The following FOXP1 variants were observed in gnomAD, a reference collection of about 807,000 sequenced individuals.
FOXP1 encodes the protein forkhead box P1, also known as forkhead box protein P1.
Under a neutral mutation model 98.2 loss-of-function variants are expected in FOXP1, and 15 were observed. That is an observed-to-expected ratio of 0.15 (90% confidence interval 0.10 to 0.24). The LOEUF is 0.24. Among genes scored for constraint, FOXP1 ranks in the 10% least tolerant of loss-of-function variants. The pLI, the probability that FOXP1 is intolerant of heterozygous loss-of-function variation, is 1.00. For synonymous variants in FOXP1, 371 were observed against 314.5 expected (o/e 1.18, Z -1.90); for missense variants, 633 against 848.5 (o/e 0.75, Z 3.15).
intron 6 of FOXP1, among the ~76,000 whole-genome samples, chr3:71,142,267 G>A (rs2060107303): frequency 6.6e-6 from 1 of 152,192 alleles, no homozygotes; most frequent in Non-Finnish European, 1.5e-5. Flanking sequence ...CATGTGGTTG[G>A]CAGAATTCTC....
In FOXP1 at chr3:71,493,510, A is replaced by C. The variant is rs2091206838; in HGVS notation, c.-252T>G. ...GATCGAAGCCCTCACCATTGCCGAA[A>C]TGTTTTGTTCGGAAACTGGAATTGT... On this transcript the variant is annotated 5_prime_UTR_variant, in exon 3 of 21. Transcript: ENST00000649528. The C allele has an allele frequency of 6.6e-6, 1 of 152,228 alleles. No homozygotes were observed. Among genetic ancestry groups the C allele is most frequent in the African/African-American group, 2.4e-5 (1 of 41,462 alleles). 9.4% of individuals were successfully genotyped at this position (152,228 alleles called of 1,614,324 possible).
At chr3:71,261,325 T>A (rs1278235738) in intron 5 of FOXP1, among the ~76,000 whole-genome samples, 1 of 152,058 alleles carries the variant, frequency 6.6e-6, no homozygotes, top group Non-Finnish European at 1.5e-5. Context: ...AATAAAAAAA[T>A]TAGATTTTTT....
rs116393768 is a variant in FOXP1 at position 71,473,870 on chromosome 3, G to A, written c.-168+19556C>T. Among the ~76,000 whole-genome samples, 527 of 152,238 alleles carry A rather than the reference G, an allele frequency of 3.5e-3. 1 individual carries two copies. Among genetic ancestry groups the A allele is most frequent in the African/African-American group, 0.012 (509 of 41,534 alleles). The stretch of plus-strand genomic sequence containing the variant: ...GAACTGTTACATCTCTAATAGTGAT[G>A]ACGTCCTCATGGAGAAAGACAGTAA... On this transcript the variant is annotated intron_variant, in intron 3 of 20. Coordinates refer to ENST00000649528, the MANE Select transcript of FOXP1 (RefSeq NM_001349338.3).
chr3:71,055,244 A>C (rs1302805626), intron 7 of FOXP1, among the ~76,000 whole-genome samples: 1 of 152,212 alleles, frequency 6.6e-6, no homozygotes, highest in Non-Finnish European at 1.5e-5. Context: ...TGAAGGTCAG[A>C]TTCATGCACA....
intron 5 of FOXP1, among the ~76,000 whole-genome samples, chr3:71,299,350 G>A (rs1172998122): frequency 2.6e-5 from 4 of 152,176 alleles, no homozygotes; most frequent in African/African-American, 4.8e-5. Context: ...TCAATGTGGC[G>A]TGTTGCTATG....
At chr3:70,969,682 C>T (rs541496751) in intron 19 of FOXP1, 4 of 152,278 alleles carry the variant, frequency 2.6e-5, no homozygotes, top group African/African-American at 9.6e-5. Context: ...TCTGCCCTCA[C>T]CCCAAGAAAT....
intron 2 of FOXP1, among the ~76,000 whole-genome samples, chr3:71,511,176 C>T (rs2042177874): frequency 2.0e-5 from 3 of 152,158 alleles, no homozygotes. Flanking sequence ...AAATGCTTAT[C>T]TACTGAGCAC....
chr3:71,080,430 A>G (rs2054287949), intron 7 of FOXP1, among the ~76,000 whole-genome samples: 1 of 152,250 alleles, frequency 6.6e-6, no homozygotes, highest in South Asian at 2.1e-4. Flanking sequence ...TACAAGATGC[A>G]ACTGTGTCTG....
chr3:71,091,200 G>A (rs1442766914), intron 7 of FOXP1, among the ~76,000 whole-genome samples: 1 of 150,816 alleles, frequency 6.6e-6, no homozygotes, highest in Non-Finnish European at 1.5e-5. Flanking sequence ...GCTCAAAAGT[G>A]AGCTTTAGCC....
intron 11 of FOXP1, among the ~76,000 whole-genome samples, chr3:71,017,510 G>GAA (rs138008805): frequency 2.3e-4 from 33 of 146,202 alleles, no homozygotes; most frequent in Non-Finnish European, 3.8e-4. Flanking sequence ...ATCCTGAAAA[G>GAA]AAAAAAAAAA....
At chr3:71,230,203 G>A (rs1207909487) in intron 5 of FOXP1, among the ~76,000 whole-genome samples, 1 of 152,242 alleles carries the variant, frequency 6.6e-6, no homozygotes, top group African/African-American at 2.4e-5. Flanking sequence ...CTGTGCGGCT[G>A]TGAAGTGTTC....
intron 7 of FOXP1, among the ~76,000 whole-genome samples, chr3:71,099,263 C>T (rs528660051): frequency 6.6e-6 from 1 of 152,278 alleles, no homozygotes; most frequent in South Asian, 2.1e-4. Flanking sequence ...ATAATCCCAG[C>T]ACTGTGGGAG....
At chr3:71,143,948 T>C (rs1172830382) in intron 6 of FOXP1, among the ~76,000 whole-genome samples, 1 of 152,176 alleles carries the variant, frequency 6.6e-6, no homozygotes, top group East Asian at 1.9e-4. Flanking sequence ...TAATGACTTT[T>C]CACGTCGCAC....
intron 6 of FOXP1, among the ~76,000 whole-genome samples, chr3:71,195,060 T>C (rs996793654): frequency 6.6e-6 from 1 of 152,154 alleles, no homozygotes; most frequent in Non-Finnish European, 1.5e-5. Context: ...CTGTCTTCAA[T>C]AGCAATTCAT....
chr3:71,077,764 T>G (rs1029367013), intron 7 of FOXP1, among the ~76,000 whole-genome samples: 1 of 152,082 alleles, frequency 6.6e-6, no homozygotes, highest in African/African-American at 2.4e-5. Flanking sequence ...ATGTTTTCTA[T>G]TTTCTCTTCT....
chr3:71,369,704 T>C (rs2107972095), intron 3 of FOXP1, among the ~76,000 whole-genome samples: 2 of 152,316 alleles, frequency 1.3e-5, no homozygotes, highest in Middle Eastern at 6.8e-3. Flanking sequence ...GGACCATGTC[T>C]TAATATCCGG....
intron 5 of FOXP1, among the ~76,000 whole-genome samples, chr3:71,288,803 C>T (rs530254078): frequency 1.5e-4 from 23 of 152,296 alleles, no homozygotes; most frequent in African/African-American, 5.5e-4. Context: ...TGAACAATTA[C>T]TATTCCTGGA....
At chr3:71,367,530 G>C (rs1311582264) in intron 3 of FOXP1, among the ~76,000 whole-genome samples, 1 of 152,028 alleles carries the variant, frequency 6.6e-6, no homozygotes, top group Non-Finnish European at 1.5e-5. Flanking sequence ...CTGGAAGGAC[G>C]GCAGGGAGGG....
chr3:71,145,892 G>A (rs150301213), intron 6 of FOXP1, among the ~76,000 whole-genome samples: 13 of 152,322 alleles, frequency 8.5e-5, no homozygotes, highest in African/African-American at 3.1e-4. Context: ...CTGTACACGA[G>A]TCCCTTGCTG....
Sources: gnomAD v4.1 joint callset for allele counts (sites outside exome capture counted in the v4.1 genomes callset) on GRCh38, gnomAD v4.1.1 for gene constraint, MANE v1.5 for transcripts, NCBI Gene and HGNC (gene_info 2026-07-23, HGNC 2026-07-21) for gene names.